ROCK2: variants seen among roughly 807,000 people sequenced by gnomAD.
ROCK2 encodes the protein Rho associated coiled-coil containing protein kinase 2, also known as rho-associated protein kinase 2.
ROCK2 carries 61 observed loss-of-function variants against 195.1 expected under a neutral mutation model. The ratio of observed to expected loss-of-function variants is 0.31; its 90% confidence interval spans 0.25 to 0.39. The LOEUF is 0.39. Among genes scored for constraint, ROCK2 ranks in the 10% least tolerant of loss-of-function variants. The pLI is 1.00. For synonymous variants in ROCK2, 504 were observed against 545.5 expected, an observed-to-expected ratio of 0.92 and a Z score of 1.06; for missense variants, 1,109 against 1,637.4, an observed-to-expected ratio of 0.68 and a Z score of 5.57.
chr2:11,249,194 C>T (rs1461046669), intron 4 of ROCK2, among the ~76,000 whole-genome samples: 1 of 152,148 alleles, frequency 6.6e-6, no homozygotes, highest in Non-Finnish European at 1.5e-5. Context: ...CTGCGCCTGG[C>T]CACACAAACT....
rs1197072442 is a variant in ROCK2 at position 11,235,369 on chromosome 2, C to A, written c.723+333G>T. ...CAATGGTGGTGAAAATACCTATTTA[C>A]CTTAATTTAGATTTTGTGTCCTTCT... On this transcript the variant is annotated intron_variant, in intron 5 of 32. Transcript: ENST00000315872. This position sits in a 1 kb window ranked among gnomAD's most constrained non-coding sequence, Gnocchi z 4.2. Among the ~76,000 whole-genome samples, 2 of 152,126 alleles carry A rather than the reference C, an allele frequency of 1.3e-5. No homozygotes were observed. Among genetic ancestry groups the A allele is most frequent in the Non-Finnish European group, 2.9e-5 (2 of 68,000 alleles).
At chr2:11,184,882 T>C in intron 32 of ROCK2, 1 of 463,830 alleles carries the variant, frequency 2.2e-6, no homozygotes, top group Non-Finnish European at 2.8e-6. Flanking sequence ...TAATTTTCCC[T>C]TCATGGATAA....
intron 1 of ROCK2, among the ~76,000 whole-genome samples, chr2:11,315,064 A>G (rs1482737692): frequency 6.6e-6 from 1 of 152,048 alleles, no homozygotes; most frequent in Admixed American, 6.6e-5. Context: ...AAATAACTTT[A>G]TAACCTTTCT....
chr2:11,298,338 T>C (rs1667599447), intron 1 of ROCK2, among the ~76,000 whole-genome samples: 1 of 151,696 alleles, frequency 6.6e-6, no homozygotes, highest in Non-Finnish European at 1.5e-5. Context: ...GGCATGGTGG[T>C]GCTAGCCTAT....
intron 1 of ROCK2, among the ~76,000 whole-genome samples, chr2:11,304,987 A>G (rs1479947511): frequency 2.6e-5 from 4 of 152,208 alleles, no homozygotes; most frequent in African/African-American, 9.6e-5. Context: ...ATAAATACAA[A>G]TATGGGGGAG....
chr2:11,317,241 T>A (rs1012545449), intron 1 of ROCK2, among the ~76,000 whole-genome samples: 3 of 151,978 alleles, frequency 2.0e-5, no homozygotes, highest in African/African-American at 7.3e-5. Context: ...TAGTCACTTT[T>A]ACAGGGCATC....
chr2:11,243,745 C>T (rs1005120874), intron 4 of ROCK2, among the ~76,000 whole-genome samples: 7 of 152,008 alleles, frequency 4.6e-5, no homozygotes, highest in African/African-American at 7.2e-5. Flanking sequence ...CAGGAAGACA[C>T]GATAACTAAA....
intron 9 of ROCK2, among the ~76,000 whole-genome samples, chr2:11,219,579 T>A (rs1456650208): frequency 6.6e-6 from 1 of 152,086 alleles, no homozygotes; most frequent in Non-Finnish European, 1.5e-5. Flanking sequence ...GGATAACTAG[T>A]CTTTAATTTT....
chr2:11,275,951 C>G (rs777080541), intron 3 of ROCK2, among the ~76,000 whole-genome samples: 3 of 152,158 alleles, frequency 2.0e-5, no homozygotes, highest in Non-Finnish European at 4.4e-5. Context: ...CCGCCCACCT[C>G]AGCCTCCCAA....
At chr2:11,257,634 G>C (rs1160799305) in intron 3 of ROCK2, among the ~76,000 whole-genome samples, 1 of 151,190 alleles carries the variant, frequency 6.6e-6, no homozygotes, top group Non-Finnish European at 1.5e-5. Context: ...AATCACCTCC[G>C]CAGATATGGA....
chr2:11,249,830 CT>C, intron 3 of ROCK2, 32 bp from the exon 4 acceptor site: 2 of 1,430,412 alleles, frequency 1.4e-6, no homozygotes, highest in Non-Finnish European at 1.8e-6. Context: ...AAAATTAATA[CT>C]TTCATGTTAT....
At chr2:11,340,855 G>C (rs1464062525) in intron 1 of ROCK2, among the ~76,000 whole-genome samples, 1 of 152,104 alleles carries the variant, frequency 6.6e-6, no homozygotes, top group Non-Finnish European at 1.5e-5. Flanking sequence ...TTACCCAAGC[G>C]TGAGTCCTAC....
chr2:11,259,005 A>G (rs1666131834), intron 3 of ROCK2, among the ~76,000 whole-genome samples: 1 of 151,234 alleles, frequency 6.6e-6, no homozygotes, highest in Non-Finnish European at 1.5e-5. Context: ...TTATGAGGGG[A>G]CTGCATGTGC....
intron 1 of ROCK2, among the ~76,000 whole-genome samples, chr2:11,290,006 T>TAG (rs1261804046): frequency 1.3e-5 from 2 of 152,242 alleles, no homozygotes; most frequent in Admixed American, 1.3e-4. Flanking sequence ...TACTTTAATG[T>TAG]AGGTTGATAA....
At chr2:11,231,908 A>T (rs908247954) in intron 5 of ROCK2, among the ~76,000 whole-genome samples, 1 of 152,190 alleles carries the variant, frequency 6.6e-6, no homozygotes, top group African/African-American at 2.4e-5. Flanking sequence ...ATTTGAGCAT[A>T]TATGTCTATA....
chr2:11,250,470 A>G (rs2148128398), intron 3 of ROCK2, among the ~76,000 whole-genome samples: 1 of 152,360 alleles, frequency 6.6e-6, no homozygotes. Flanking sequence ...CCAGAGAGCC[A>G]ATAAATATTT....
At chr2:11,186,428 T>C (rs896256947) in intron 32 of ROCK2, among the ~76,000 whole-genome samples, 2 of 152,198 alleles carry the variant, frequency 1.3e-5, no homozygotes, top group Non-Finnish European at 2.9e-5. Context: ...GCGACTGTAG[T>C]GTATGACGAG....
chr2:11,229,992 G>A (rs1378288931), intron 5 of ROCK2, among the ~76,000 whole-genome samples: 1 of 152,120 alleles, frequency 6.6e-6, no homozygotes, highest in African/African-American at 2.4e-5. Flanking sequence ...AGAGTTATCA[G>A]TATGAGCTCC....
At chr2:11,323,433 A>T (rs1668456834) in intron 1 of ROCK2, among the ~76,000 whole-genome samples, 1 of 152,222 alleles carries the variant, frequency 6.6e-6, no homozygotes, top group East Asian at 1.9e-4. Context: ...GTACAGAATG[A>T]ATAAACCTTT....
Sources: gnomAD v4.1 joint callset for allele counts (sites outside exome capture counted in the v4.1 genomes callset) on GRCh38, gnomAD v4.1.1 for gene constraint, Gnocchi (gnomAD v3.1) non-coding constraint, MANE v1.5 for transcripts, NCBI Gene and HGNC (gene_info 2026-07-23, HGNC 2026-07-21) for gene names.